Variants in RBFOX1 observed in about 807,000 individuals in gnomAD.
RBFOX1 encodes RNA binding fox-1 homolog 1.
RBFOX1 carries 8 observed loss-of-function variants against 57.7 expected under a neutral mutation model. The ratio of observed to expected loss-of-function variants is 0.14; its 90% CI spans 0.08 to 0.25. The LOEUF is 0.25. RBFOX1 is among the 10% of genes least tolerant of loss of function. RBFOX1 has a pLI of 1.00. For missense variants in RBFOX1, 611 were observed against 548.5 expected, an observed-to-expected ratio of 1.11 and a Z score of -1.14; for synonymous variants, 326 against 222.4, an observed-to-expected ratio of 1.47 and a Z score of -4.15.
chr16:7,011,433 G>C (rs998961995), intron 3 of RBFOX1, among the ~76,000 whole-genome samples: 34 of 152,292 alleles, frequency 2.2e-4, no homozygotes, highest in African/African-American at 7.9e-4. Context: ...TTTAAAACAG[G>C]TTGGGCCTTC....
chr16:5,721,354 T>C (rs2051925704), intron 3 of RBFOX1, among the ~76,000 whole-genome samples: 1 of 152,192 alleles, frequency 6.6e-6, no homozygotes, highest in Non-Finnish European at 1.5e-5. Context: ...GGTGTGGATG[T>C]GGGTATGTGG....
intron 1 of RBFOX1, among the ~76,000 whole-genome samples, chr16:6,223,912 CTCCATA>C (rs2097396299): frequency 6.6e-6 from 1 of 152,174 alleles, no homozygotes; most frequent in Non-Finnish European, 1.5e-5. Flanking sequence ...TTTCAGCTTT[CTCCATA>C]TGGCTAGCCA....
chr16:5,816,861 A>T (rs570653193), intron 3 of RBFOX1, among the ~76,000 whole-genome samples: 1 of 152,200 alleles, frequency 6.6e-6, no homozygotes, highest in East Asian at 1.9e-4. Context: ...GTATTATTTT[A>T]TTTTTAATTT....
intron 1 of RBFOX1, among the ~76,000 whole-genome samples, chr16:5,413,057 G>C (rs2067065255): frequency 6.6e-6 from 1 of 152,176 alleles, no homozygotes; most frequent in East Asian, 1.9e-4. Flanking sequence ...GGTTGCCCTA[G>C]GGGGTGTGCA....
chr16:6,554,771 A>G (rs74005279), intron 2 of RBFOX1, among the ~76,000 whole-genome samples: 13,913 of 149,768 alleles, frequency 0.093, 1,621 homozygotes, highest in African/African-American at 0.28. Flanking sequence ...CACACACACA[A>G]AGGTACACAG....
At chr16:5,242,884 T>A (rs1459050390) in intron 1 of RBFOX1, among the ~76,000 whole-genome samples, 1 of 151,708 alleles carries the variant, frequency 6.6e-6, no homozygotes, top group Non-Finnish European at 1.5e-5. Flanking sequence ...GTTGCTTTAT[T>A]TGGTGGTGGC....
intron 1 of RBFOX1, among the ~76,000 whole-genome samples, chr16:6,117,486 T>C (rs1050072109): frequency 2.0e-5 from 3 of 152,268 alleles, no homozygotes; most frequent in South Asian, 2.1e-4. Flanking sequence ...GGTGTGGCCA[T>C]TCAGATGCCA....
intron 3 of RBFOX1, among the ~76,000 whole-genome samples, chr16:6,904,030 C>G (rs1005982483): frequency 6.6e-6 from 1 of 152,142 alleles, no homozygotes; most frequent in African/African-American, 2.4e-5. Context: ...AATGCCCCCA[C>G]CTGAGGTCAT....
intron 3 of RBFOX1, among the ~76,000 whole-genome samples, chr16:6,753,040 T>G (rs2075218955): frequency 6.6e-6 from 1 of 151,520 alleles, no homozygotes; most frequent in Non-Finnish European, 1.5e-5. Flanking sequence ...TGTAACTTTT[T>G]CATAGTGGTC....
intron 1 of RBFOX1, among the ~76,000 whole-genome samples, chr16:6,058,346 C>T (rs140412363): frequency 1.3e-5 from 2 of 151,750 alleles, no homozygotes; most frequent in Non-Finnish European, 2.9e-5. Flanking sequence ...CCTCTCCTTC[C>T]TCCCTCTCCT....
chr16:5,820,322 C>G (rs137928489), intron 3 of RBFOX1, among the ~76,000 whole-genome samples: 9 of 152,258 alleles, frequency 5.9e-5, no homozygotes, highest in Middle Eastern at 6.8e-3. Flanking sequence ...GAGACGTTTG[C>G]TAAAGGAATC....
chr16:5,823,913 A>G (rs919818756), intron 3 of RBFOX1, among the ~76,000 whole-genome samples: 1 of 152,188 alleles, frequency 6.6e-6, no homozygotes, highest in African/African-American at 2.4e-5. Flanking sequence ...AACATAATGT[A>G]ATTGAATCCC....
intron 4 of RBFOX1, among the ~76,000 whole-genome samples, chr16:7,495,806 A>T (rs34011773): frequency 0.15 from 22,752 of 152,216 alleles, 2,718 homozygotes; most frequent in East Asian, 0.53. Context: ...CGCACTAGAG[A>T]ACTTATTCAT....
At chr16:6,728,785 G>T (rs1354745905) in intron 3 of RBFOX1, among the ~76,000 whole-genome samples, 1 of 152,158 alleles carries the variant, frequency 6.6e-6, no homozygotes, top group Non-Finnish European at 1.5e-5. Flanking sequence ...TAAACTAATT[G>T]TAGGTCATTA....
At chr16:5,606,206 C>A (rs1405169172) in intron 3 of RBFOX1, among the ~76,000 whole-genome samples, 1 of 152,156 alleles carries the variant, frequency 6.6e-6, no homozygotes. Context: ...GGGATACTAT[C>A]TGGTGGCTTC....
chr16:7,219,986 G>T (rs562555004), intron 4 of RBFOX1, among the ~76,000 whole-genome samples: 3 of 152,280 alleles, frequency 2.0e-5, no homozygotes, highest in East Asian at 1.9e-4. Context: ...AGTTCAGTTG[G>T]TTTTTGTTAA....
intron 11 of RBFOX1, among the ~76,000 whole-genome samples, chr16:7,635,260 TGATTCA>T (rs1171142874): frequency 6.6e-6 from 1 of 152,254 alleles, no homozygotes; most frequent in Non-Finnish European, 1.5e-5. Flanking sequence ...AGTTCACTTC[TGATTCA>T]GATTAGCAAA....
chr16:5,772,377 C>T (rs2054009741), intron 3 of RBFOX1, among the ~76,000 whole-genome samples: 1 of 152,156 alleles, frequency 6.6e-6, no homozygotes, highest in African/African-American at 2.4e-5. Context: ...TCCTGAGCTC[C>T]ACTTCTAACC....
At chr16:7,559,797 C>T (rs570986007) in intron 5 of RBFOX1, among the ~76,000 whole-genome samples, 22 of 152,310 alleles carry the variant, frequency 1.4e-4, no homozygotes, top group African/African-American at 4.8e-4. Context: ...AGGAGTTTCT[C>T]AATCAGTATT....
Sources: gnomAD v4.1 joint callset for allele counts (sites outside exome capture counted in the v4.1 genomes callset) on GRCh38, gnomAD v4.1.1 for gene constraint, MANE v1.5 for transcripts, NCBI Gene and HGNC (gene_info 2026-07-23, HGNC 2026-07-21) for gene names.